Variants in RASGEF1A observed in about 807,000 individuals in gnomAD.
RASGEF1A encodes the protein ras-GEF domain-containing family member 1A.
A neutral mutation model predicts 56.4 loss-of-function variants in RASGEF1A; 18 were observed. The observed-to-expected ratio is 0.32, with a 90% CI of 0.22 to 0.47. The LOEUF (loss-of-function observed/expected upper bound fraction) is 0.47, where lower values mean the gene tolerates loss of function less well. Among genes scored for constraint, RASGEF1A ranks in the 20% least tolerant of loss-of-function variants. The pLI is 1.00. For missense variants in RASGEF1A, 422 were observed against 627.1 expected, an observed-to-expected ratio of 0.67 and a Z score of 3.49; for synonymous variants, 245 against 242.6, an observed-to-expected ratio of 1.01 and a Z score of -0.09.
intron 1 of RASGEF1A, chr10:43,208,628 T>C: frequency 1.0e-6 from 1 of 985,426 alleles, no homozygotes; most frequent in Non-Finnish European, 1.2e-6. Flanking sequence ...AGAGGTGGGG[T>C]GCTCTGGGTT....
chr10:43,203,150 A>G, intron 3 of RASGEF1A, 148 bp downstream of exon 3: 1 of 82,312 alleles, frequency 1.2e-5, no homozygotes, highest in Non-Finnish European at 1.9e-5. Context: ...ACCCCATCCC[A>G]CAGTCCCAGC....
chr10:43,207,057 T>A lies in RASGEF1A; in HGVS notation c.-6-935A>T, dbSNP rs1039650487. On this transcript the variant is annotated intron_variant, in intron 1 of 12. Transcript: ENST00000395810. Reference sequence around the variant, plus strand: ...AAGCCCTCTGGGCCTGTTTCCCCAGTGCCCCAGACAGCCAGCCATGCCTGG... The same window carrying A: ...AAGCCCTCTGGGCCTGTTTCCCCAGAGCCCCAGACAGCCAGCCATGCCTGG... 4 of 985,362 alleles carry A rather than the reference T, an allele frequency of 4.1e-6. No individual in the cohort carries two copies. The African/African-American group carries it at 5.2e-5, about 13-fold the overall frequency. The allele number at this position is 985,362 out of a possible 1,614,324, so 61.0% of individuals were successfully genotyped here. A position where few individuals can be genotyped will look rare whatever the true frequency, so the allele number is the denominator to read the frequency against.
chr10:43,234,174 G>C (rs760813907), intron 1 of RASGEF1A, among the ~76,000 whole-genome samples: 12 of 152,188 alleles, frequency 7.9e-5, no homozygotes, highest in Non-Finnish European at 1.5e-4. Flanking sequence ...GCATGTTTCT[G>C]TGTGTGTTAC....
chr10:43,203,775 G>T, intron 2 of RASGEF1A: 1 of 1,044,048 alleles, frequency 9.6e-7, no homozygotes, highest in Non-Finnish European at 1.2e-6. Flanking sequence ...CAGGATGCAA[G>T]CCAGCTGCTG....
In RASGEF1A at chr10:43,254,545, A is replaced by T. The variant is rs116977731; in HGVS notation, c.-7+12300T>A. Among the ~76,000 whole-genome samples, 947 of 152,230 alleles carry T rather than the reference A, an allele frequency of 6.2e-3. 3 individuals are homozygous for T. The highest frequency in any genetic ancestry group is 8.8e-3 in the Non-Finnish European group (599 of 67,992). ...TAACCCCCGCCCCCGGACCTGGTCT[A>T]CTGTTGCAGGGCCCGGAACTGACAC... is the stretch of plus-strand genomic sequence containing the variant. On this transcript the variant is annotated intron_variant, in intron 1 of 12. Coordinates refer to ENST00000395810, the MANE Select transcript of RASGEF1A (RefSeq NM_145313.4).
intron 1 of RASGEF1A, among the ~76,000 whole-genome samples, chr10:43,236,901 G>A (rs990635725): frequency 2.6e-5 from 4 of 152,114 alleles, no homozygotes; most frequent in African/African-American, 9.7e-5. Context: ...TAGGACCATA[G>A]GGGGGTCTCA....
chr10:43,261,182 A>G (rs902701556), intron 1 of RASGEF1A, among the ~76,000 whole-genome samples: 4 of 152,120 alleles, frequency 2.6e-5, no homozygotes, highest in African/African-American at 9.7e-5. Flanking sequence ...CCCTGGCCAT[A>G]CTTGCCAGCA....
intron 1 of RASGEF1A, among the ~76,000 whole-genome samples, chr10:43,233,263 A>G (rs146424276): frequency 7.5e-4 from 114 of 152,298 alleles, no homozygotes; most frequent in East Asian, 1.4e-3. Context: ...TGACTGTAAC[A>G]TGTCTATGCA....
intron 2 of RASGEF1A, chr10:43,203,740 T>C (rs1276772173): frequency 9.1e-7 from 1 of 1,102,246 alleles, no homozygotes; most frequent in Non-Finnish European, 1.1e-6. Flanking sequence ...GGGACGTTGG[T>C]AGGGCTCCAT....
Position 43,246,343 on chromosome 10 carries a change from A to T in RASGEF1A, c.-7+20502T>A, listed in dbSNP as rs908680315. 2.6e-5 allele frequency among the ~76,000 whole-genome samples: 4 copies of T among 152,286 alleles called. No individual in the cohort carries two copies. The South Asian group carries it at 8.3e-4, about 32-fold the overall frequency. On this transcript the variant is annotated intron_variant, in intron 1 of 12. Coordinates refer to ENST00000395810, the MANE Select transcript of RASGEF1A (RefSeq NM_145313.4). ...TCAGATGGCAATACTCCCCAAATTG[A>T]CCTACAGATTCAATGCAATCCCTAT...
chr10:43,202,745 C>T, intron 3 of RASGEF1A: 1 of 467,406 alleles, frequency 2.1e-6, no homozygotes, highest in Non-Finnish European at 4.4e-6. Context: ...AGCCTAGGCC[C>T]CCCACCACCC....
At chr10:43,263,318 G>A (rs1259026420) in intron 1 of RASGEF1A, among the ~76,000 whole-genome samples, 1 of 152,170 alleles carries the variant, frequency 6.6e-6, no homozygotes, top group African/African-American at 2.4e-5. Context: ...GACTGAAGGA[G>A]GTGTGTGCAG....
At chr10:43,229,782 G>T in intron 1 of RASGEF1A, 2 of 1,273,540 alleles carry the variant, frequency 1.6e-6, no homozygotes, top group Non-Finnish European at 1.0e-6. Flanking sequence ...TCCGCTGGAG[G>T]GGTGGGACCC....
intron 2 of RASGEF1A, among the ~76,000 whole-genome samples, chr10:43,204,871 C>T (rs566150173): frequency 6.6e-6 from 1 of 152,364 alleles, no homozygotes; most frequent in South Asian, 2.1e-4. Flanking sequence ...CCTGGACTAC[C>T]TCAGGGCCTT....
chr10:43,230,593 CG>C (rs1229672999), intron 1 of RASGEF1A, among the ~76,000 whole-genome samples: 6 of 152,152 alleles, frequency 3.9e-5, no homozygotes, highest in Non-Finnish European at 7.4e-5. Flanking sequence ...AGTTGGCCGG[CG>C]GGGCGGCCGC....
chr10:43,216,689 C>A (rs2133198965), intron 1 of RASGEF1A, among the ~76,000 whole-genome samples: 1 of 152,288 alleles, frequency 6.6e-6, no homozygotes, highest in African/African-American at 2.4e-5. Flanking sequence ...GAAGAAACTG[C>A]CCGCCTTGGG....
chr10:43,252,743 C>CCCA (rs1381104302), intron 1 of RASGEF1A, among the ~76,000 whole-genome samples: 1 of 152,120 alleles, frequency 6.6e-6, no homozygotes, highest in Admixed American at 6.5e-5. Flanking sequence ...TCACCTGACT[C>CCCA]CCACTGGCAA....
In RASGEF1A at chr10:43,212,849, T is replaced by TC. The variant is rs201535953; in HGVS notation, c.-6-6728dup. ...ACTTTAGCTTCTGAATATTCACAGCTCCCCCCACAACACTCACACACACAG... is the reference window on the plus strand; with the variant it reads ...ACTTTAGCTTCTGAATATTCACAGCTCCCCCCCACAACACTCACACACACAG... On this transcript the variant is annotated intron_variant, in intron 1 of 12. Coordinates refer to ENST00000395810, the MANE Select transcript of RASGEF1A (RefSeq NM_145313.4). 8.5e-3 allele frequency among the ~76,000 whole-genome samples: 1,291 copies of TC among 151,918 alleles called. 11 individuals are homozygous for TC. The highest frequency in any genetic ancestry group is 0.013 in the Admixed American group (201 of 15,248).
At position 43,196,498 on chromosome 10, in the gene RASGEF1A, T is replaced by A; in HGVS notation, c.1399A>T (p.Lys467Ter). Reference protein sequence around the residue: ...ESEGPENHMEKDSWKTLRTTL... With the variant: ...ESEGPENHME ...TACCTGAGGGTCTTCCAGCTGTCTT[T>A]TTCCATGTGGTTCTCGGGACCCTCA... is the stretch of plus-strand genomic sequence containing the variant. The change falls in exon 12 of 13, where the codon AAA becomes TAA. Residue 467 changes from lysine (K) to a stop codon, truncating the protein, a stop_gained. Coordinates refer to ENST00000395810, the MANE Select transcript of RASGEF1A (RefSeq NM_145313.4). LOFTEE classifies it high-confidence loss of function. This position sits in a 1 kb window ranked among gnomAD's most constrained non-coding sequence, Gnocchi z 4.6. 6.2e-7 allele frequency: 1 copy of A among 1,614,052 alleles called. No individual in the cohort carries two copies. Among genetic ancestry groups the A allele is most frequent in the Non-Finnish European group, 8.5e-7 (1 of 1,180,022 alleles).
Sources: gnomAD v4.1 joint callset for allele counts (sites outside exome capture counted in the v4.1 genomes callset) on GRCh38, gnomAD v4.1.1 for gene constraint, Gnocchi (gnomAD v3.1) non-coding constraint, MANE v1.5 for transcripts, NCBI Gene and HGNC (gene_info 2026-07-23, HGNC 2026-07-21) for gene names.